Variants in LCLAT1 observed in about 807,000 individuals in gnomAD.
LCLAT1 encodes the protein 1-AGP acyltransferase 8.
LCLAT1 carries 11 observed loss-of-function variants against 30.7 expected under a neutral mutation model. The ratio of observed to expected loss-of-function variants is 0.36; its 90% CI spans 0.23 to 0.59. LCLAT1 has a LOEUF of 0.59. Among genes scored for constraint, LCLAT1 ranks in the 20% least tolerant of loss-of-function variants. LCLAT1 has a pLI of 0.77. For synonymous variants in LCLAT1, 155 were observed against 151.3 expected, an observed-to-expected ratio of 1.02 and a Z score of -0.18; for missense variants, 402 against 458.6, an observed-to-expected ratio of 0.88 and a Z score of 1.13.
At chr2:30,523,049 A>G (rs751418844) in intron 1 of LCLAT1, among the ~76,000 whole-genome samples, 1 of 152,124 alleles carries the variant, frequency 6.6e-6, no homozygotes, top group Non-Finnish European at 1.5e-5. Context: ...TAAGGGAAGC[A>G]TTATATATGG....
rs1686099989 is a variant in LCLAT1 at position 30,533,861 on chromosome 2, T to C, written c.364+547T>C. Among the ~76,000 whole-genome samples the C allele has an allele frequency of 4.6e-5, 7 of 152,198 alleles. No homozygotes were observed. In the South Asian group the frequency reaches 1.4e-3, roughly 31 times the overall value. Reference sequence around the variant, plus strand: ...ATTTTAAATGGCTAGGAATACAACATGTTCATTGTGTGTTGGAGAAGTAGG... The same window carrying C: ...ATTTTAAATGGCTAGGAATACAACACGTTCATTGTGTGTTGGAGAAGTAGG... On this transcript the variant is annotated intron_variant, in intron 3 of 5. Coordinates refer to ENST00000379509, the MANE Select transcript of LCLAT1 (RefSeq NM_001002257.3).
chr2:30,534,120 A>G (rs1686113957), intron 3 of LCLAT1, among the ~76,000 whole-genome samples: 1 of 151,920 alleles, frequency 6.6e-6, no homozygotes, highest in Admixed American at 6.6e-5. Flanking sequence ...TTCCTCTATT[A>G]GTATACTGAC....
intron 3 of LCLAT1, among the ~76,000 whole-genome samples, chr2:30,556,782 G>A (rs1224802355): frequency 7.6e-6 from 1 of 130,940 alleles, no homozygotes; most frequent in Non-Finnish European, 1.6e-5. Flanking sequence ...TTTTGCTCTT[G>A]TTGCCCAGGC....
At chr2:30,637,362 CAT>C (rs1462619054) in intron 5 of LCLAT1, among the ~76,000 whole-genome samples, 3 of 151,488 alleles carry the variant, frequency 2.0e-5, no homozygotes, top group African/African-American at 7.3e-5. Flanking sequence ...ACAGGTAAGA[CAT>C]ATTAACATCT....
At chr2:30,455,438 ACG>A (rs1164336441) in intron 1 of LCLAT1, among the ~76,000 whole-genome samples, 1 of 152,224 alleles carries the variant, frequency 6.6e-6, no homozygotes, top group Non-Finnish European at 1.5e-5. Flanking sequence ...AGCCAAGATC[ACG>A]GTGTCAGAGG....
intron 3 of LCLAT1, among the ~76,000 whole-genome samples, chr2:30,540,231 A>G (rs1041267491): frequency 6.6e-6 from 1 of 152,234 alleles, no homozygotes; most frequent in East Asian, 1.9e-4. Flanking sequence ...AACAAAATAT[A>G]TACACTGTTC....
intron 1 of LCLAT1, among the ~76,000 whole-genome samples, chr2:30,460,916 A>G (rs1473807306): frequency 6.6e-6 from 1 of 152,206 alleles, no homozygotes; most frequent in Non-Finnish European, 1.5e-5. Flanking sequence ...GGAAGATGAC[A>G]CCTGGATTTC....
At chr2:30,513,293 T>C (rs530236973) in intron 1 of LCLAT1, among the ~76,000 whole-genome samples, 1 of 151,764 alleles carries the variant, frequency 6.6e-6, no homozygotes, top group South Asian at 2.1e-4. Context: ...TAACTATATG[T>C]ATTTAAATAT....
chr2:30,481,644 C>T (rs1683328384), intron 1 of LCLAT1, among the ~76,000 whole-genome samples: 1 of 152,114 alleles, frequency 6.6e-6, no homozygotes, highest in African/African-American at 2.4e-5. Context: ...TTGGATGTGG[C>T]TACATGAAAG....
intron 5 of LCLAT1, among the ~76,000 whole-genome samples, chr2:30,631,609 G>A (rs1187996010): frequency 6.6e-6 from 1 of 152,184 alleles, no homozygotes. Context: ...CACTTGCTAG[G>A]AAGCTCAGTA....
chr2:30,549,694 C>T (rs892973204), intron 3 of LCLAT1, among the ~76,000 whole-genome samples: 1 of 152,100 alleles, frequency 6.6e-6, no homozygotes, highest in Non-Finnish European at 1.5e-5. Flanking sequence ...TTCAGTTGTT[C>T]TTTGTCTTGG....
chr2:30,632,817 A>G (rs1048419834), intron 5 of LCLAT1, among the ~76,000 whole-genome samples: 4 of 152,266 alleles, frequency 2.6e-5, no homozygotes, highest in African/African-American at 9.6e-5. Flanking sequence ...AAAAGGCAGG[A>G]CTGAGAGCTG....
At chr2:30,457,907 G>C (rs981238368) in intron 1 of LCLAT1, among the ~76,000 whole-genome samples, 1 of 152,176 alleles carries the variant, frequency 6.6e-6, no homozygotes, top group Non-Finnish European at 1.5e-5. Context: ...TGGTTAGTGT[G>C]AGGATTAAAA....
At chr2:30,465,418 C>T (rs1383739807) in intron 1 of LCLAT1, among the ~76,000 whole-genome samples, 1 of 152,090 alleles carries the variant, frequency 6.6e-6, no homozygotes, top group Non-Finnish European at 1.5e-5. Flanking sequence ...TGCTTTCAGA[C>T]TTTTTTTGGC....
At chr2:30,594,282 A>G (rs1300699298) in intron 5 of LCLAT1, among the ~76,000 whole-genome samples, 1 of 152,188 alleles carries the variant, frequency 6.6e-6, no homozygotes, top group African/African-American at 2.4e-5. Flanking sequence ...TGATTCATAT[A>G]GTTTTTTCCG....
chr2:30,533,443 T>A (rs1325729251), intron 3 of LCLAT1, 129 bp downstream of exon 3: 1 of 755,062 alleles, frequency 1.3e-6, no homozygotes, highest in African/African-American at 1.7e-5. Flanking sequence ...TCTCTGGTTC[T>A]TTTGTCTTTA....
At chr2:30,617,572 C>T (rs2148512662) in intron 5 of LCLAT1, among the ~76,000 whole-genome samples, 1 of 152,202 alleles carries the variant, frequency 6.6e-6, no homozygotes, top group South Asian at 2.1e-4. Flanking sequence ...CTCTGGTTTT[C>T]CAGAGTGTGT....
At chr2:30,480,535 A>G (rs572440424) in intron 1 of LCLAT1, among the ~76,000 whole-genome samples, 1 of 152,310 alleles carries the variant, frequency 6.6e-6, no homozygotes, top group Non-Finnish European at 1.5e-5. Flanking sequence ...ATAAAATGAC[A>G]GTATCAATTT....
chr2:30,640,469 T>A lies in LCLAT1; in HGVS notation c.981T>A (p.Tyr327Ter). Reference protein sequence around the residue: ...LFSPAMCLLIYLYSLVKWYFI... With the variant: ...LFSPAMCLLI ...GCCCTGCAATGTGCCTACTCATATA[T>A]TTGTACAGTCTTGTTAAGTGGTATT... is the stretch of plus-strand genomic sequence containing the variant. Residue 327 changes from tyrosine (Y) to a stop codon, truncating the protein, a stop_gained, in exon 6 of 6, where the codon TAT becomes TAA. Coordinates refer to ENST00000379509, the MANE Select transcript of LCLAT1 (RefSeq NM_001002257.3). LOFTEE classifies it high-confidence loss of function. The A allele has an allele frequency of 6.2e-7, 1 of 1,614,162 alleles. No homozygotes were observed.
Sources: gnomAD v4.1 joint callset for allele counts (sites outside exome capture counted in the v4.1 genomes callset) on GRCh38, gnomAD v4.1.1 for gene constraint, MANE v1.5 for transcripts, NCBI Gene and HGNC (gene_info 2026-07-23, HGNC 2026-07-21) for gene names.